DOCK1: variants seen among roughly 807,000 people sequenced by gnomAD.
DOCK1 encodes the protein dedicator of cytokinesis protein 1.
DOCK1 carries 138 observed loss-of-function variants against 262.7 expected under a neutral mutation model. The ratio of observed to expected loss-of-function variants is 0.53; its 90% CI spans 0.46 to 0.61. DOCK1 has a LOEUF of 0.61. Among genes scored for constraint, DOCK1 ranks in the 20% least tolerant of loss-of-function variants. The pLI is 0.00. For synonymous variants in DOCK1, 866 were observed against 867.4 expected (o/e 1.00, Z 0.03); for missense variants, 1,908 against 2,370.7 (o/e 0.80, Z 4.05).
chr10:126,929,719 G>T (rs926810921), intron 1 of DOCK1, among the ~76,000 whole-genome samples: 2,354 of 152,206 alleles, frequency 0.015, 32 homozygotes, highest in Non-Finnish European at 0.021. Flanking sequence ...GGACCATTGC[G>T]GGGAGGGGCA....
At chr10:126,931,807 C>T in intron 1 of DOCK1, among the ~76,000 whole-genome samples, 1 of 152,246 alleles carries the variant, frequency 6.6e-6, no homozygotes, top group East Asian at 1.9e-4. Flanking sequence ...CCCCTGCTCT[C>T]CCTGGGCTTC....
chr10:127,334,487 T>A (rs1205267599), intron 29 of DOCK1, among the ~76,000 whole-genome samples: 1 of 152,186 alleles, frequency 6.6e-6, no homozygotes, highest in East Asian at 1.9e-4. Context: ...TTATGACAAG[T>A]TTGATAAAAA....
At chr10:127,066,059 T>G (rs2045852290) in intron 23 of DOCK1, among the ~76,000 whole-genome samples, 1 of 152,082 alleles carries the variant, frequency 6.6e-6, no homozygotes, top group African/African-American at 2.4e-5. Flanking sequence ...CCAGATGTTC[T>G]GGAAATTCAA....
chr10:127,224,968 TG>T (rs2058582813), intron 27 of DOCK1, among the ~76,000 whole-genome samples: 1 of 152,110 alleles, frequency 6.6e-6, no homozygotes, highest in Admixed American at 6.5e-5. Flanking sequence ...CATACTTAAT[TG>T]TTTAAGGAAA....
intron 27 of DOCK1, among the ~76,000 whole-genome samples, chr10:127,224,575 A>T (rs1403274101): frequency 6.6e-6 from 1 of 150,864 alleles, no homozygotes; most frequent in Non-Finnish European, 1.5e-5. Flanking sequence ...AAAAAAAAAA[A>T]TTGGTGTGGT....
intron 1 of DOCK1, among the ~76,000 whole-genome samples, chr10:126,952,672 ATTGTTG>A (rs1167991411): frequency 1.6e-4 from 2 of 12,290 alleles, no homozygotes; most frequent in Non-Finnish European, 4.2e-4. Context: ...TATTGGTAGT[ATTGTTG>A]TTGTTGGTAG....
chr10:126,975,051 G>C (rs1390403037), intron 2 of DOCK1, among the ~76,000 whole-genome samples: 1 of 151,924 alleles, frequency 6.6e-6, no homozygotes, highest in African/African-American at 2.4e-5. Flanking sequence ...GTGGCCTCTC[G>C]TTTGCCTGTG....
chr10:127,049,197 C>T (rs1391542391), intron 21 of DOCK1, among the ~76,000 whole-genome samples: 1 of 152,138 alleles, frequency 6.6e-6, no homozygotes, highest in Admixed American at 6.5e-5. Context: ...CAGTATGGTA[C>T]AGTACAGTAC....
At chr10:127,301,568 G>A (rs76458060) in intron 29 of DOCK1, among the ~76,000 whole-genome samples, 3,909 of 152,218 alleles carry the variant, frequency 0.026, 67 homozygotes, top group Middle Eastern at 0.061. Context: ...TATGCATCTA[G>A]GTTTTAGTAT....
chr10:127,265,121 T>TA (rs2060308142), intron 29 of DOCK1, among the ~76,000 whole-genome samples: 1 of 152,254 alleles, frequency 6.6e-6, no homozygotes, highest in Non-Finnish European at 1.5e-5. Context: ...ATGTTGGTTA[T>TA]AACAGTGGTT....
At chr10:127,124,226 A>G (rs2049801386) in intron 25 of DOCK1, among the ~76,000 whole-genome samples, 2 of 152,254 alleles carry the variant, frequency 1.3e-5, no homozygotes, top group Admixed American at 6.5e-5. Flanking sequence ...GTTTTCTTAT[A>G]TAAAAGAAAC....
chr10:127,413,369 C>T lies in DOCK1; in HGVS notation c.4429-1783C>T, dbSNP rs566509970. Reference sequence around the variant, plus strand: ...GGTCCGGGCACTTGGACAAAGTGTTCGGAAGCTGCAGGATTTGGTCCTTCA... The same window carrying T: ...GGTCCGGGCACTTGGACAAAGTGTTTGGAAGCTGCAGGATTTGGTCCTTCA... On this transcript the variant is annotated intron_variant, in intron 43 of 51. Coordinates refer to ENST00000623213, the MANE Select transcript of DOCK1 (RefSeq NM_001290223.2). Among the ~76,000 whole-genome samples, 10 of 152,286 alleles carry T rather than the reference C, an allele frequency of 6.6e-5. No individual in the cohort carries two copies. The South Asian group carries it at 1.9e-3, about 28-fold the overall frequency.
chr10:126,989,962 C>A (rs1381546352), intron 5 of DOCK1, among the ~76,000 whole-genome samples: 1 of 152,136 alleles, frequency 6.6e-6, no homozygotes, highest in African/African-American at 2.4e-5. Context: ...TTCTTCTTCC[C>A]TATAGCTGAG....
At chr10:127,148,833 T>C (rs778320928) in intron 27 of DOCK1, among the ~76,000 whole-genome samples, 5 of 152,214 alleles carry the variant, frequency 3.3e-5, no homozygotes, top group Non-Finnish European at 7.3e-5. Context: ...GGAATCTCTT[T>C]TAATCTTCTT....
chr10:127,090,612 T>G (rs1423044135), intron 23 of DOCK1, among the ~76,000 whole-genome samples: 1 of 152,174 alleles, frequency 6.6e-6, no homozygotes, highest in East Asian at 1.9e-4. Context: ...CTAGATCATT[T>G]CCGTCACCCC....
At chr10:127,166,096 C>T (rs1181203559) in intron 27 of DOCK1, among the ~76,000 whole-genome samples, 4 of 152,096 alleles carry the variant, frequency 2.6e-5, no homozygotes, top group Admixed American at 6.5e-5. Flanking sequence ...GACAGAGTCT[C>T]GCTCTGTAGC....
intron 29 of DOCK1, among the ~76,000 whole-genome samples, chr10:127,259,957 G>T (rs1367483088): frequency 6.6e-6 from 1 of 152,090 alleles, no homozygotes; most frequent in Non-Finnish European, 1.5e-5. Flanking sequence ...AGTGGTCTGG[G>T]GCTCAACCCT....
At chr10:127,371,619 T>A (rs1469807608) in intron 33 of DOCK1, among the ~76,000 whole-genome samples, 3 of 152,262 alleles carry the variant, frequency 2.0e-5, no homozygotes, top group Non-Finnish European at 4.4e-5. Flanking sequence ...ACCTTTCTTG[T>A]TGTCTGTACT....
At chr10:127,240,031 T>A (rs1441481865) in intron 27 of DOCK1, among the ~76,000 whole-genome samples, 1 of 152,158 alleles carries the variant, frequency 6.6e-6, no homozygotes, top group Non-Finnish European at 1.5e-5. Flanking sequence ...TCCCTTTTGG[T>A]ATATTTGTCC....
Sources: allele counts gnomAD v4.1 joint callset (sites outside exome capture counted in the v4.1 genomes callset), GRCh38; gene constraint gnomAD v4.1.1; transcripts MANE v1.5; gene names NCBI Gene and HGNC (gene_info 2026-07-23, HGNC 2026-07-21).